KCNN2: variants seen among roughly 807,000 people sequenced by gnomAD.
KCNN2 encodes potassium calcium-activated channel subfamily N member 2, also known as small conductance calcium-activated potassium channel protein 2.
Under a neutral mutation model 55.5 loss-of-function variants are expected in KCNN2, and 24 were observed. The ratio of observed to expected loss-of-function variants is 0.43; its 90% CI spans 0.31 to 0.61. KCNN2 has a LOEUF of 0.61. KCNN2 is among the 20% of genes least tolerant of loss of function. The pLI, the probability that KCNN2 is intolerant of heterozygous loss-of-function variation, is 0.08. For missense variants in KCNN2, 754 were observed against 853.6 expected, an observed-to-expected ratio of 0.88 and a Z score of 1.45; for synonymous variants, 431 against 336.1, an observed-to-expected ratio of 1.28 and a Z score of -3.09.
At chr5:114,243,137 C>A (rs1754678533) in intron 2 of KCNN2, among the ~76,000 whole-genome samples, 1 of 151,976 alleles carries the variant, frequency 6.6e-6, no homozygotes, top group South Asian at 2.1e-4. Flanking sequence ...CATAAAAAGC[C>A]CTCTAAATCT....
At chr5:114,056,247 C>T (rs1750203823) in exon 1 of KCNN2, 1 of 396,540 alleles carries the variant, frequency 2.5e-6, no homozygotes, top group Admixed American at 4.4e-5. Context: ...TCTCTGCTCC[C>T]CGAAGCTGGG....
At chr5:114,090,874 G>A (rs1322407311) in intron 1 of KCNN2, among the ~76,000 whole-genome samples, 1 of 151,822 alleles carries the variant, frequency 6.6e-6, no homozygotes, top group Non-Finnish European at 1.5e-5. Context: ...ATCGAGACAG[G>A]GTCTCACTCT....
intron 6 of KCNN2, 90 bp downstream of exon 6, chr5:114,487,267 A>G: frequency 8.5e-7 from 1 of 1,174,852 alleles, no homozygotes; most frequent in South Asian, 1.4e-5. Flanking sequence ...AGGAAGGAAA[A>G]AAGAAAACAT....
At chr5:114,216,907 A>G (rs1012610616) in intron 1 of KCNN2, among the ~76,000 whole-genome samples, 1 of 152,180 alleles carries the variant, frequency 6.6e-6, no homozygotes, top group African/African-American at 2.4e-5. Context: ...AAGCAATTAT[A>G]GCAAGGTTGC....
intron 1 of KCNN2, among the ~76,000 whole-genome samples, chr5:114,187,540 C>T (rs1261485621): frequency 1.5e-5 from 2 of 135,252 alleles, no homozygotes; most frequent in South Asian, 4.8e-4. Flanking sequence ...AAGTCTTACT[C>T]TGTCACCTAG....
intron 1 of KCNN2, among the ~76,000 whole-genome samples, chr5:114,117,181 A>G (rs1751723251): frequency 6.6e-6 from 1 of 152,188 alleles, no homozygotes; most frequent in South Asian, 2.1e-4. Context: ...GAATAGCCAG[A>G]TAGACACAGA....
intron 1 of KCNN2, among the ~76,000 whole-genome samples, chr5:114,111,046 A>G (rs906294401): frequency 1.3e-5 from 2 of 152,160 alleles, no homozygotes; most frequent in African/African-American, 2.4e-5. Context: ...AAAAGACCAA[A>G]TCTGGAAGCC....
chr5:114,373,705 G>A (rs1185302068), intron 2 of KCNN2, among the ~76,000 whole-genome samples: 1 of 128,840 alleles, frequency 7.8e-6, no homozygotes, highest in Non-Finnish European at 1.6e-5. Context: ...CTATTTACAT[G>A]TCAGCTCTTG....
At chr5:114,122,556 T>C (rs1335465097) in intron 1 of KCNN2, among the ~76,000 whole-genome samples, 1 of 152,202 alleles carries the variant, frequency 6.6e-6, no homozygotes, top group Non-Finnish European at 1.5e-5. Flanking sequence ...TGCAAAATTA[T>C]TTGCCAAGTG....
intron 2 of KCNN2, among the ~76,000 whole-genome samples, chr5:114,343,633 C>A (rs1287455904): frequency 6.6e-6 from 1 of 151,798 alleles, no homozygotes; most frequent in Non-Finnish European, 1.5e-5. Flanking sequence ...GCTCATCTCT[C>A]CAAGTGGGCT....
Position 114,237,076 on chromosome 5 carries a change from G to T in KCNN2, c.-185+15511G>T, listed in dbSNP as rs186197906. The stretch of plus-strand genomic sequence containing the variant: ...CATAAGTCTTGCTATACATGTGCAA[G>T]GGATTCTCTTGGGGATATATTTCTA... On this transcript the variant is annotated intron_variant, in intron 2 of 10. Transcript: ENST00000512097. Among the ~76,000 whole-genome samples the T allele has an allele frequency of 2.1e-3, 316 of 152,248 alleles. 1 individual carries two copies. Among genetic ancestry groups the T allele is most frequent in the African/African-American group, 7.1e-3 (293 of 41,540 alleles).
At chr5:114,215,539 T>C (rs1246964756) in intron 1 of KCNN2, among the ~76,000 whole-genome samples, 2 of 152,158 alleles carry the variant, frequency 1.3e-5, no homozygotes, top group Non-Finnish European at 2.9e-5. Context: ...GTCTCCTTGC[T>C]ATAGTTAAAT....
intron 3 of KCNN2, among the ~76,000 whole-genome samples, chr5:114,417,552 C>G (rs949531179): frequency 1.3e-5 from 2 of 152,134 alleles, no homozygotes; most frequent in African/African-American, 4.8e-5. Context: ...ATCTAGATCT[C>G]TGTTCTTTCA....
intron 2 of KCNN2, among the ~76,000 whole-genome samples, chr5:114,398,626 A>G (rs764283150): frequency 9.2e-5 from 14 of 151,972 alleles, no homozygotes; most frequent in Non-Finnish European, 1.8e-4. Flanking sequence ...TGATTCTGTA[A>G]ATTGCTTTGG....
intron 2 of KCNN2, among the ~76,000 whole-genome samples, chr5:114,245,703 AAC>A (rs1362517570): frequency 6.6e-6 from 1 of 152,154 alleles, no homozygotes; most frequent in East Asian, 1.9e-4. Context: ...AACAAAACAA[AAC>A]AAAAAAACAT....
intron 1 of KCNN2, among the ~76,000 whole-genome samples, chr5:114,211,287 A>G (rs1487134130): frequency 6.6e-6 from 1 of 152,200 alleles, no homozygotes; most frequent in East Asian, 1.9e-4. Flanking sequence ...AATATTTACA[A>G]TAGCAAAGAC....
intron 3 of KCNN2, among the ~76,000 whole-genome samples, chr5:114,430,552 T>A (rs1759759780): frequency 6.6e-6 from 1 of 152,088 alleles, no homozygotes; most frequent in African/African-American, 2.4e-5. Flanking sequence ...GTGAAAAAGA[T>A]GGTTTTATTT....
chr5:114,074,497 A>T (rs943477073), intron 1 of KCNN2, among the ~76,000 whole-genome samples: 1 of 152,218 alleles, frequency 6.6e-6, no homozygotes, highest in Non-Finnish European at 1.5e-5. Flanking sequence ...TCGAAAGAAC[A>T]GATTAATCAC....
At chr5:114,284,006 C>T (rs183773029) in intron 2 of KCNN2, among the ~76,000 whole-genome samples, 10 of 152,314 alleles carry the variant, frequency 6.6e-5, no homozygotes, top group Admixed American at 3.9e-4. Context: ...GTAAGAATGA[C>T]ATCCAGGAAG....
Sources: gnomAD v4.1 joint callset for allele counts (sites outside exome capture counted in the v4.1 genomes callset) on GRCh38, gnomAD v4.1.1 for gene constraint, MANE v1.5 for transcripts, NCBI Gene and HGNC (gene_info 2026-07-23, HGNC 2026-07-21) for gene names.